Variants in NPSR1 observed in about 807,000 individuals in gnomAD.
The protein encoded by NPSR1 is neuropeptide S receptor.
In NPSR1, 48 loss-of-function variants were observed where a neutral mutation model predicts 46.9. The observed-to-expected ratio is 1.02, with a 90% CI of 0.81 to 1.30. The LOEUF is 1.30. NPSR1 is among the 50% of genes most tolerant of loss of function. The probability of loss-of-function intolerance (pLI) is 0.00; values close to 1 mark genes in which losing one functional copy is unlikely to be tolerated. For synonymous variants in NPSR1, 176 were observed against 168.1 expected, an observed-to-expected ratio of 1.05 and a Z score of -0.36; for missense variants, 450 against 449.5, an observed-to-expected ratio of 1.00 and a Z score of -0.01.
rs748097151 is a variant in NPSR1 at position 34,827,502 on chromosome 7, G to A, written c.580G>A (p.Glu194Lys). 2.2e-5 allele frequency: 36 copies of A among 1,614,036 alleles called. No individual in the cohort carries two copies. The highest frequency in any genetic ancestry group is 3.1e-5 in the Non-Finnish European group (36 of 1,180,022). ...IFGKRTLSNG[E>K]VQCWALWPDD... The stretch of plus-strand genomic sequence containing the variant: ...TGGGAAGAGGACACTGTCCAACGGT[G>A]AAGTGCAGTGCTGGGCCCTGTGGCC... The change falls in exon 5 of 9, where the codon GAA (glutamate) becomes AAA (lysine). Residue 194 changes from glutamate (E) to lysine (K), a missense_variant. Coordinates refer to ENST00000360581, the MANE Select transcript of NPSR1 (RefSeq NM_207172.2).
chr7:34,772,441 CTCTG>C (rs1224293744), intron 2 of NPSR1, among the ~76,000 whole-genome samples: 5 of 152,172 alleles, frequency 3.3e-5, no homozygotes, highest in East Asian at 3.9e-4. Context: ...CTGCCCAGTT[CTCTG>C]TCTGACTAGA....
At chr7:34,713,221 A>C (rs933028906) in intron 2 of NPSR1, among the ~76,000 whole-genome samples, 7 of 152,206 alleles carry the variant, frequency 4.6e-5, no homozygotes, top group African/African-American at 2.4e-5. Context: ...ATAGAATACA[A>C]CTGTGAATTA....
chr7:34,670,657 A>G (rs1416986471), intron 1 of NPSR1, among the ~76,000 whole-genome samples: 1 of 151,552 alleles, frequency 6.6e-6, no homozygotes, highest in Non-Finnish European at 1.5e-5. Flanking sequence ...CTTAATATGT[A>G]AAGAGCCCTT....
intron 3 of NPSR1, among the ~76,000 whole-genome samples, chr7:34,798,744 A>C (rs1584047819): frequency 6.6e-6 from 1 of 152,200 alleles, no homozygotes; most frequent in Non-Finnish European, 1.5e-5. Context: ...CATTTTAACA[A>C]TGTAAAAAAA....
intron 2 of NPSR1, among the ~76,000 whole-genome samples, chr7:34,725,840 C>T (rs373318036): frequency 7.9e-5 from 12 of 152,084 alleles, no homozygotes; most frequent in Non-Finnish European, 1.3e-4. Flanking sequence ...AGGGTGGTGC[C>T]GGGTGGAGAT....
At chr7:34,830,147 C>T (rs780156975) in intron 5 of NPSR1, among the ~76,000 whole-genome samples, 2 of 152,240 alleles carry the variant, frequency 1.3e-5, no homozygotes, top group Non-Finnish European at 2.9e-5. Context: ...ATAGGTGCTA[C>T]AATTTCATCT....
At position 34,783,545 on chromosome 7, in the gene NPSR1, T is replaced by C. The variant is rs117274020; in HGVS notation, c.384+4980T>C. On this transcript the variant is annotated intron_variant, in intron 3 of 8. Coordinates refer to ENST00000360581, the MANE Select transcript of NPSR1 (RefSeq NM_207172.2). ...TAGCCAAACTATATTATACAAGTTA[T>C]AGGAGTTATAGAAGGAGATGAGAGA... Among the ~76,000 whole-genome samples the C allele has an allele frequency of 6.8e-3, 1,029 of 152,110 alleles. 8 individuals are homozygous for C. The highest frequency in any genetic ancestry group is 0.016 in the South Asian group (77 of 4,810).
At chr7:34,824,643 T>C (rs1230185343) in intron 4 of NPSR1, among the ~76,000 whole-genome samples, 5 of 152,182 alleles carry the variant, frequency 3.3e-5, no homozygotes, top group African/African-American at 1.2e-4. Flanking sequence ...TTCTAAAGTA[T>C]GATTCTATAC....
intron 4 of NPSR1, among the ~76,000 whole-genome samples, chr7:34,820,449 A>C (rs574886649): frequency 6.6e-6 from 1 of 152,328 alleles, no homozygotes; most frequent in Non-Finnish European, 1.5e-5. Context: ...GGGAGGCAGG[A>C]AATTGATGAG....
At chr7:34,708,016 G>A (rs1794194985) in intron 2 of NPSR1, among the ~76,000 whole-genome samples, 1 of 151,518 alleles carries the variant, frequency 6.6e-6, no homozygotes, top group African/African-American at 2.4e-5. Flanking sequence ...CTTCTTATGA[G>A]GACACCACCA....
chr7:34,867,508 T>C (rs1791339757), intron 8 of NPSR1, among the ~76,000 whole-genome samples: 2 of 151,910 alleles, frequency 1.3e-5, no homozygotes, highest in Admixed American at 1.3e-4. Flanking sequence ...AAGGCAGGCC[T>C]GGGGCAATGC....
At chr7:34,862,454 C>G (rs117930005) in intron 8 of NPSR1, among the ~76,000 whole-genome samples, 2,489 of 151,926 alleles carry the variant, frequency 0.016, 41 homozygotes, top group Non-Finnish European at 0.029. Flanking sequence ...CAGTTAGACT[C>G]TCTATGTTAC....
intron 3 of NPSR1, among the ~76,000 whole-genome samples, chr7:34,791,188 TTATATGTTATATATTATATTA>T (rs1787850593): frequency 1.3e-5 from 1 of 76,724 alleles, no homozygotes; most frequent in South Asian, 3.6e-4. Context: ...ATTATATATG[TTATATGTTATATATTATATTA>T]TATATGTTAT....
intron 8 of NPSR1, among the ~76,000 whole-genome samples, chr7:34,859,400 C>T (rs535413756): frequency 1.3e-5 from 2 of 151,620 alleles, no homozygotes; most frequent in South Asian, 4.2e-4. Context: ...TTCTTTCTGC[C>T]CTTCCTTGTC....
rs115994072 is a variant in NPSR1, at chr7:34,873,657, A to C, written c.1026-4419A>C. Among the ~76,000 whole-genome samples, 1,456 of 151,730 alleles carry C rather than the reference A, an allele frequency of 9.6e-3. 75 individuals carry two copies. Among genetic ancestry groups the C allele is most frequent in the African/African-American group, 0.034 (1,393 of 41,076 alleles). On this transcript the variant is annotated intron_variant, in intron 8 of 8. Transcript: ENST00000359791. Reference sequence around the variant, plus strand: ...CAGAGCAAGAACTCACTCTTCAACAAGCAGATAGGGCTAAGCCATTCATGA... The same window carrying C: ...CAGAGCAAGAACTCACTCTTCAACACGCAGATAGGGCTAAGCCATTCATGA...
chr7:34,815,986 T>C (rs967947102), intron 4 of NPSR1, among the ~76,000 whole-genome samples: 1 of 152,146 alleles, frequency 6.6e-6, no homozygotes, highest in Non-Finnish European at 1.5e-5. Flanking sequence ...AGACCATTGA[T>C]GCTAGGAAGA....
intron 2 of NPSR1, among the ~76,000 whole-genome samples, chr7:34,714,936 T>G (rs577581924): frequency 6.6e-6 from 1 of 152,328 alleles, no homozygotes; most frequent in South Asian, 2.1e-4. Context: ...GCAGCAGTGA[T>G]CTCTGGAAAG....
chr7:34,821,125 C>G (rs1562754660), intron 4 of NPSR1, among the ~76,000 whole-genome samples: 3 of 134,848 alleles, frequency 2.2e-5, no homozygotes, highest in Non-Finnish European at 4.8e-5. Flanking sequence ...ATTTGTGATA[C>G]ACTTTTTTTT....
intron 3 of NPSR1, among the ~76,000 whole-genome samples, chr7:34,805,626 C>G (rs920894420): frequency 2.6e-5 from 4 of 151,694 alleles, no homozygotes; most frequent in Non-Finnish European, 5.9e-5. Flanking sequence ...AAGGGACCTA[C>G]TCTTTGTCTA....
Sources: gnomAD v4.1 joint callset for allele counts (sites outside exome capture counted in the v4.1 genomes callset) on GRCh38, gnomAD v4.1.1 for gene constraint, MANE v1.5 for transcripts, NCBI Gene and HGNC (gene_info 2026-07-23, HGNC 2026-07-21) for gene names.